The following RIPOR2 variants were observed in gnomAD, a reference collection of about 807,000 sequenced individuals.
RIPOR2 encodes the protein RHO family interacting cell polarization regulator 2.
In RIPOR2, 39 loss-of-function variants were observed where a neutral mutation model predicts 114.5. The ratio of observed to expected loss-of-function variants is 0.34; its 90% CI spans 0.26 to 0.44. The LOEUF is 0.44. Among genes scored for constraint, RIPOR2 ranks in the 20% least tolerant of loss-of-function variants. The pLI, the probability that RIPOR2 is intolerant of heterozygous loss-of-function variation, is 1.00. For synonymous variants in RIPOR2, 445 were observed against 484.4 expected (o/e 0.92, Z 1.07); for missense variants, 1,007 against 1,255.1 (o/e 0.80, Z 2.99).
At chr6:24,982,031 T>C (rs1179922799) in intron 1 of RIPOR2, among the ~76,000 whole-genome samples, 1 of 152,236 alleles carries the variant, frequency 6.6e-6, no homozygotes, top group Non-Finnish European at 1.5e-5. Flanking sequence ...AGGAATGGAC[T>C]GATGAAAAAT....
intron 18 of RIPOR2, among the ~76,000 whole-genome samples, chr6:24,826,738 A>G (rs1390040714): frequency 6.6e-6 from 1 of 152,354 alleles, no homozygotes; most frequent in East Asian, 1.9e-4. Context: ...GCTTTCAAAG[A>G]ATAAGATAGA....
At chr6:24,850,998 C>T (rs553301555) in intron 9 of RIPOR2, among the ~76,000 whole-genome samples, 4 of 151,496 alleles carry the variant, frequency 2.6e-5, no homozygotes, top group South Asian at 2.1e-4. Context: ...AGGGTTCAAG[C>T]GATTCCCCTG....
At chr6:24,984,533 T>C (rs1356261714) in intron 1 of RIPOR2, among the ~76,000 whole-genome samples, 1 of 152,038 alleles carries the variant, frequency 6.6e-6, no homozygotes, top group Non-Finnish European at 1.5e-5. Context: ...AATGAGATAA[T>C]GCATTTAAAG....
At chr6:24,913,729 C>A (rs116640353) in intron 1 of RIPOR2, among the ~76,000 whole-genome samples, 1 of 152,186 alleles carries the variant, frequency 6.6e-6, no homozygotes, top group Admixed American at 6.5e-5. Context: ...TTTCTGCTTG[C>A]GCCCATTCTC....
At position 25,019,171 on chromosome 6, in the gene RIPOR2, A is replaced by G. The variant is rs141761738; in HGVS notation, c.76+22680T>C. Among the ~76,000 whole-genome samples the G allele has an allele frequency of 2.5e-4, 38 of 152,332 alleles. 1 individual carries two copies. In the East Asian group the frequency reaches 7.1e-3, roughly 29 times the overall value. The stretch of plus-strand genomic sequence containing the variant: ...AGATTTTTATATTTGATGTATTTTA[A>G]TCTATTGCAAGCATTATTCTTGTTG... On this transcript the variant is annotated intron_variant, in intron 1 of 13. Transcript: ENST00000510784.
rs57294288 is a variant in RIPOR2, at chr6:24,817,978, C to CTTTTTTTTTT, written c.2952+563_2952+564insAAAAAAAAAA. On this transcript the variant is annotated intron_variant, in intron 20 of 21. Coordinates refer to ENST00000643898, the MANE Select transcript of RIPOR2 (RefSeq NM_001286445.3). ...ATACTTTCCTTTTCTCTCTCTCTCT[C>CTTTTTTTTTT]TTTTTTTTTGAGACAGAGTCTGGCT... Among the ~76,000 whole-genome samples, 5 of 118,364 alleles carry CTTTTTTTTTT rather than the reference C, an allele frequency of 4.2e-5. 1 individual carries two copies. The highest frequency in any genetic ancestry group is 6.1e-5 in the African/African-American group (2 of 32,620). The allele number at this position is 118,364 out of a possible 152,430, so 77.7% of individuals were successfully genotyped here. A position where few individuals can be genotyped will look rare whatever the true frequency, so the allele number is the denominator to read the frequency against.
chr6:24,960,569 A>T (rs929196285), intron 1 of RIPOR2, among the ~76,000 whole-genome samples: 38 of 152,290 alleles, frequency 2.5e-4, no homozygotes, highest in African/African-American at 9.1e-4. Flanking sequence ...TCTGTCACCC[A>T]GGCTGGAGAG....
rs374892764 is a variant in RIPOR2, at chr6:24,933,816, C to T, written c.61+2022G>A. 1.8e-4 allele frequency among the ~76,000 whole-genome samples: 28 copies of T among 152,282 alleles called. No individual in the cohort carries two copies. The Middle Eastern group carries it at 0.01, about 55-fold the overall frequency. On this transcript the variant is annotated intron_variant, in intron 1 of 21. Coordinates refer to ENST00000643898, the MANE Select transcript of RIPOR2 (RefSeq NM_001286445.3). ...CAACTTATCAACCTGCACTACCTCC[C>T]TCACTTCCCACCTCAGAGCTAGCTG...
intron 8 of RIPOR2, among the ~76,000 whole-genome samples, chr6:24,857,422 C>T (rs1763582870): frequency 6.6e-6 from 1 of 152,140 alleles, no homozygotes. Context: ...GGATGTTTCA[C>T]GGCGCTCACA....
At chr6:25,026,172 A>G (rs1776612105) in intron 1 of RIPOR2, among the ~76,000 whole-genome samples, 1 of 152,218 alleles carries the variant, frequency 6.6e-6, no homozygotes, top group Admixed American at 6.5e-5. Flanking sequence ...TAAAAGCTAC[A>G]TAAAAGGTTT....
chr6:24,965,239 G>A (rs894749553), intron 1 of RIPOR2, among the ~76,000 whole-genome samples: 1 of 152,040 alleles, frequency 6.6e-6, no homozygotes, highest in Admixed American at 6.6e-5. Context: ...CCAAGCTCAA[G>A]AGATCCTCCC....
rs1219172151 is a variant in RIPOR2, at chr6:25,037,166, G to A, written c.76+4685C>T. ...GGTGTTACTGTAATAAGCATTTTAA[G>A]GTTGAGGAAGTGGGCATTCAGGGAG... On this transcript the variant is annotated intron_variant, in intron 1 of 13. Transcript: ENST00000510784. The surrounding 1 kb of genome is among the most constrained non-coding windows in gnomAD (Gnocchi z 4.5). 6.6e-6 allele frequency among the ~76,000 whole-genome samples: 1 copy of A among 152,150 alleles called. No homozygotes were observed. Among genetic ancestry groups the A allele is most frequent in the African/African-American group, 2.4e-5 (1 of 41,430 alleles).
chr6:24,863,591 C>T (rs2113842310), intron 7 of RIPOR2, among the ~76,000 whole-genome samples: 1 of 152,286 alleles, frequency 6.6e-6, no homozygotes, highest in East Asian at 1.9e-4. Context: ...CAATCTGCAG[C>T]TCTACAAAGT....
At chr6:24,888,148 AACATCT>A in intron 1 of RIPOR2, among the ~76,000 whole-genome samples, 1 of 152,348 alleles carries the variant, frequency 6.6e-6, no homozygotes, top group African/African-American at 2.4e-5. Flanking sequence ...TCAAAAAAGG[AACATCT>A]CTTGGGACTA....
At chr6:24,861,549 T>A (rs1412852896) in intron 7 of RIPOR2, among the ~76,000 whole-genome samples, 1 of 152,212 alleles carries the variant, frequency 6.6e-6, no homozygotes, top group Non-Finnish European at 1.5e-5. Context: ...AGTAATGGTA[T>A]GTGGTTATGT....
rs1438628578 is a variant in RIPOR2, at chr6:24,932,179, GTC to G, written c.61+3657_61+3658del. Among the ~76,000 whole-genome samples, 5 of 152,304 alleles carry G rather than the reference GTC, an allele frequency of 3.3e-5. No homozygotes were observed. The East Asian group carries it at 7.7e-4, about 24-fold the overall frequency. On this transcript the variant is annotated intron_variant, in intron 1 of 21. Coordinates refer to ENST00000643898, the MANE Select transcript of RIPOR2 (RefSeq NM_001286445.3). ...AGTTTGAAAGAACAATGGGAAAAGA[GTC>G]TGTAAGGCTAACTACTGGTTTTTCA...
chr6:25,041,707 T>TCTCGG, intron 1 of RIPOR2: 1 of 589,430 alleles, frequency 1.7e-6, no homozygotes, highest in Non-Finnish European at 3.0e-6. Context: ...CCAAAGTCCA[T>TCTCGG]TGGAAAACGG....
intron 1 of RIPOR2, among the ~76,000 whole-genome samples, chr6:24,882,097 A>G (rs1011823076): frequency 6.6e-6 from 1 of 152,232 alleles, no homozygotes; most frequent in Non-Finnish European, 1.5e-5. Context: ...AGCAGGCCCT[A>G]AAGTGCAGCT....
chr6:25,005,740 T>TATATACATAC (rs1491374316), intron 1 of RIPOR2, among the ~76,000 whole-genome samples: 1 of 104,520 alleles, frequency 9.6e-6, no homozygotes, highest in South Asian at 3.8e-4. Flanking sequence ...TATATATATA[T>TATATACATAC]ACATTTACCG....
Sources: gnomAD v4.1 joint callset for allele counts (sites outside exome capture counted in the v4.1 genomes callset) on GRCh38, gnomAD v4.1.1 for gene constraint, Gnocchi (gnomAD v3.1) non-coding constraint, MANE v1.5 for transcripts, NCBI Gene and HGNC (gene_info 2026-07-23, HGNC 2026-07-21) for gene names.